Variants in COL15A1 observed in about 807,000 individuals in gnomAD.
COL15A1 encodes collagen type XV alpha 1 chain.
Under a neutral mutation model 165.9 loss-of-function variants are expected in COL15A1, and 111 were observed. The observed-to-expected ratio is 0.67, with a 90% CI of 0.57 to 0.78. COL15A1 has a LOEUF of 0.78. Among genes scored for constraint, COL15A1 ranks in the 30% least tolerant of loss-of-function variants. COL15A1 has a pLI of 0.00. For missense variants in COL15A1, 1,745 were observed against 1,789.7 expected, an observed-to-expected ratio of 0.98 and a Z score of 0.45; for synonymous variants, 659 against 674.8, an observed-to-expected ratio of 0.98 and a Z score of 0.36.
chr9:99,061,165 A>T (rs1825809266), intron 36 of COL15A1, among the ~76,000 whole-genome samples: 1 of 152,352 alleles, frequency 6.6e-6, no homozygotes, highest in South Asian at 2.1e-4. Context: ...CTGCCAAAAG[A>T]AAGAACTGTC....
chr9:99,035,980 C>T (rs1839293884), intron 19 of COL15A1, among the ~76,000 whole-genome samples, 190 bp from the exon 20 acceptor site: 1 of 152,238 alleles, frequency 6.6e-6, no homozygotes, highest in South Asian at 2.1e-4. Flanking sequence ...TGGGAGAGGG[C>T]CGCTGATTCT....
chr9:99,042,105 CA>C lies in COL15A1; in HGVS notation c.2573del (p.Gln858ArgfsTer11), dbSNP rs1588529862. ...TGGCTTTCCAGGACTAAAAGGAGAA[CA>C]GGTAAGAGGGGCCCAGGTATCTGAG... ...LPGFPGLKGE[Q>X]GEKGEPGAIL... On this transcript the variant is annotated frameshift_variant and splice_region_variant, in exon 24 of 42. Transcript: ENST00000375001. LOFTEE classifies it high-confidence loss of function. 6.2e-7 allele frequency: 1 copy of C among 1,610,618 alleles called. No homozygotes were observed. Among genetic ancestry groups the C allele is most frequent in the African/African-American group, 1.3e-5 (1 of 74,972 alleles).
intron 5 of COL15A1, among the ~76,000 whole-genome samples, chr9:98,991,847 CA>C (rs1406322416): frequency 3.4e-5 from 5 of 145,518 alleles, no homozygotes; most frequent in Non-Finnish European, 6.0e-5. Flanking sequence ...GAGCTAGACA[CA>C]AGAGTGCTGA....
intron 41 of COL15A1, among the ~76,000 whole-genome samples, chr9:99,069,312 TA>T (rs376491066): frequency 0.05 from 7,692 of 152,350 alleles, 244 homozygotes; most frequent in Middle Eastern, 0.11. Context: ...TTTTCATTTT[TA>T]CTTAGGGGTG....
chr9:99,057,196 C>T (rs1825734410), intron 35 of COL15A1, among the ~76,000 whole-genome samples: 2 of 152,182 alleles, frequency 1.3e-5, no homozygotes, highest in African/African-American at 2.4e-5. Context: ...TCCAATTTCT[C>T]CTCCCATATT....
intron 35 of COL15A1, among the ~76,000 whole-genome samples, chr9:99,058,436 T>G (rs11789439): frequency 0.3 from 44,939 of 151,912 alleles, 7,195 homozygotes; most frequent in East Asian, 0.53. Context: ...GTGCCGAGTG[T>G]ATGGAACCAC....
chr9:98,963,378 A>C (rs1157850526), intron 2 of COL15A1, among the ~76,000 whole-genome samples: 2 of 152,212 alleles, frequency 1.3e-5, no homozygotes, highest in East Asian at 3.9e-4. Flanking sequence ...CCCAAATTGC[A>C]GACGGGAAGA....
intron 9 of COL15A1, among the ~76,000 whole-genome samples, chr9:99,007,593 G>A (rs1838784499): frequency 6.6e-6 from 1 of 152,122 alleles, no homozygotes; most frequent in African/African-American, 2.4e-5. Context: ...AAAATAGCGG[G>A]AGGGAGAAAA....
chr9:98,950,145 G>A (rs1256930320), intron 2 of COL15A1, among the ~76,000 whole-genome samples: 1 of 152,130 alleles, frequency 6.6e-6, no homozygotes, highest in African/African-American at 2.4e-5. Flanking sequence ...GTGCTGCTCT[G>A]AACATTTGCA....
chr9:98,975,555 G>A (rs1185409784), intron 2 of COL15A1, among the ~76,000 whole-genome samples: 1 of 152,218 alleles, frequency 6.6e-6, no homozygotes, highest in African/African-American at 2.4e-5. Flanking sequence ...TTTCTTCATG[G>A]CTGGGATTCT....
At chr9:99,024,245 A>C (rs1483330128) in intron 14 of COL15A1, among the ~76,000 whole-genome samples, 5 of 151,870 alleles carry the variant, frequency 3.3e-5, no homozygotes, top group African/African-American at 1.2e-4. Context: ...AAGAGTTTTA[A>C]AAACAAGGCT....
At chr9:99,054,427 A>T in intron 31 of COL15A1, 149 bp from the exon 32 acceptor site, 1 of 781,862 alleles carries the variant, frequency 1.3e-6, no homozygotes, top group Non-Finnish European at 2.0e-6. Flanking sequence ...TGCCCTCTTT[A>T]TGATTTTACA....
intron 2 of COL15A1, among the ~76,000 whole-genome samples, chr9:98,982,412 C>T (rs1838247324): frequency 6.6e-6 from 1 of 152,184 alleles, no homozygotes; most frequent in Admixed American, 6.5e-5. Flanking sequence ...ATTTATGACA[C>T]ATCTCAGTTG....
chr9:99,058,387 G>A (rs181483218), intron 35 of COL15A1, among the ~76,000 whole-genome samples: 8 of 152,302 alleles, frequency 5.3e-5, no homozygotes, highest in Non-Finnish European at 1.2e-4. Flanking sequence ...AAGGTCCCAA[G>A]AGAAGGAGAT....
intron 10 of COL15A1, 82 bp downstream of exon 10, chr9:99,015,648 GC>G: frequency 7.3e-7 from 1 of 1,373,498 alleles, no homozygotes; most frequent in South Asian, 1.3e-5. Context: ...CTTGGCCTTG[GC>G]AGGGGCACCT....
At chr9:98,949,770 A>C (rs922410101) in intron 2 of COL15A1, among the ~76,000 whole-genome samples, 1 of 152,256 alleles carries the variant, frequency 6.6e-6, no homozygotes, top group Non-Finnish European at 1.5e-5. Flanking sequence ...TGCAATCAAC[A>C]TCTCTATCAA....
intron 22 of COL15A1, among the ~76,000 whole-genome samples, chr9:99,040,303 C>T (rs1334380118): frequency 2.0e-5 from 3 of 152,212 alleles, no homozygotes; most frequent in Admixed American, 1.3e-4. Context: ...CATGCCTCCA[C>T]CCCTTCTCTC....
intron 38 of COL15A1, 111 bp downstream of exon 38, chr9:99,062,415 G>C: frequency 1.2e-6 from 1 of 816,440 alleles, no homozygotes; most frequent in Non-Finnish European, 2.1e-6. Context: ...AGCTGTGCAC[G>C]GTTTAGTATC....
At chr9:99,027,081 G>A (rs955791416) in intron 16 of COL15A1, among the ~76,000 whole-genome samples, 24 of 152,304 alleles carry the variant, frequency 1.6e-4, no homozygotes, top group Admixed American at 3.3e-4. Flanking sequence ...GTGCTACCTG[G>A]GGCGTGTATG....
Sources: allele counts gnomAD v4.1 joint callset (sites outside exome capture counted in the v4.1 genomes callset), GRCh38; gene constraint gnomAD v4.1.1; transcripts MANE v1.5; gene names NCBI Gene and HGNC (gene_info 2026-07-23, HGNC 2026-07-21).